The following GPC6 variants were observed in gnomAD, a reference collection of about 807,000 sequenced individuals.
GPC6 encodes glypican 6, also known as glypican-6.
In GPC6, 14 loss-of-function variants were observed where a neutral mutation model predicts 55.2. That is an observed-to-expected ratio of 0.25 (90% CI 0.17 to 0.40). The LOEUF is 0.40. GPC6 is among the 10% of genes least tolerant of loss of function. The pLI, the probability that GPC6 is intolerant of heterozygous loss-of-function variation, is 1.00. For synonymous variants in GPC6, 278 were observed against 259.6 expected, an observed-to-expected ratio of 1.07 and a Z score of -0.68; for missense variants, 641 against 708.5, an observed-to-expected ratio of 0.90 and a Z score of 1.08.
intron 3 of GPC6, among the ~76,000 whole-genome samples, chr13:93,992,518 G>T (rs1881357625): frequency 6.6e-6 from 1 of 152,070 alleles, no homozygotes; most frequent in Non-Finnish European, 1.5e-5. Context: ...GAAGTTTGTT[G>T]ATTTAATATC....
intron 1 of GPC6, among the ~76,000 whole-genome samples, chr13:93,328,020 T>C (rs1370643701): frequency 1.3e-5 from 2 of 151,930 alleles, no homozygotes; most frequent in South Asian, 2.1e-4. Context: ...GCCATTTTGG[T>C]TTTATATTTT....
chr13:94,170,929 C>G (rs748232701), intron 4 of GPC6, among the ~76,000 whole-genome samples: 1 of 152,006 alleles, frequency 6.6e-6, no homozygotes, highest in African/African-American at 2.4e-5. Flanking sequence ...GTCCAGAGTG[C>G]GAGGAAATAA....
chr13:93,485,974 A>G (rs1879696843), intron 1 of GPC6, among the ~76,000 whole-genome samples: 1 of 152,192 alleles, frequency 6.6e-6, no homozygotes, highest in Admixed American at 6.6e-5. Flanking sequence ...GAAAATGACT[A>G]ACTATGGAAA....
intron 3 of GPC6, among the ~76,000 whole-genome samples, chr13:93,907,555 T>C (rs1876736970): frequency 6.6e-6 from 1 of 152,162 alleles, no homozygotes; most frequent in African/African-American, 2.4e-5. Context: ...GGTTGGAATC[T>C]TCCTTTATCA....
chr13:93,886,586 C>G (rs1328471772), intron 3 of GPC6, among the ~76,000 whole-genome samples: 1 of 151,958 alleles, frequency 6.6e-6, no homozygotes, highest in Non-Finnish European at 1.5e-5. Flanking sequence ...TGATGGCTAG[C>G]AAAACAAGGG....
At chr13:93,267,204 A>G (rs996109862) in intron 1 of GPC6, among the ~76,000 whole-genome samples, 4 of 152,156 alleles carry the variant, frequency 2.6e-5, no homozygotes, top group Admixed American at 6.5e-5. Flanking sequence ...ATCTTGATGA[A>G]TTCAAGTTTG....
chr13:93,992,017 T>C (rs902079173), intron 3 of GPC6, among the ~76,000 whole-genome samples: 1 of 151,894 alleles, frequency 6.6e-6, no homozygotes, highest in Non-Finnish European at 1.5e-5. Flanking sequence ...ATCATATTTA[T>C]ATAGTTTATA....
At chr13:93,700,764 C>T (rs1468789924) in intron 2 of GPC6, among the ~76,000 whole-genome samples, 1 of 151,908 alleles carries the variant, frequency 6.6e-6, no homozygotes, top group Non-Finnish European at 1.5e-5. Context: ...ATGCTTAAAC[C>T]CAAGTTTTCT....
chr13:94,023,253 C>A (rs1310499422), intron 3 of GPC6, among the ~76,000 whole-genome samples: 1 of 150,668 alleles, frequency 6.6e-6, no homozygotes, highest in Admixed American at 6.6e-5. Flanking sequence ...TTTTAGAACT[C>A]TTTTCTTTAT....
intron 4 of GPC6, among the ~76,000 whole-genome samples, chr13:94,202,861 G>A (rs1889796214): frequency 6.6e-6 from 1 of 151,952 alleles, no homozygotes. Context: ...AAAGTGTGAG[G>A]CCCCTTCGAA....
intron 3 of GPC6, among the ~76,000 whole-genome samples, chr13:93,841,293 G>A (rs1250333105): frequency 6.6e-6 from 1 of 152,088 alleles, no homozygotes; most frequent in South Asian, 2.1e-4. Context: ...TAGGGAATAC[G>A]ACATCCTAAC....
At chr13:93,660,890 C>T (rs1185452535) in intron 2 of GPC6, among the ~76,000 whole-genome samples, 3 of 152,178 alleles carry the variant, frequency 2.0e-5, no homozygotes, top group African/African-American at 7.2e-5. Flanking sequence ...GGCTCTTTGA[C>T]ATAGCTCATG....
intron 6 of GPC6, among the ~76,000 whole-genome samples, chr13:94,329,526 G>A (rs1877300965): frequency 6.6e-6 from 1 of 152,192 alleles, no homozygotes; most frequent in African/African-American, 2.4e-5. Flanking sequence ...CACAGCCAAG[G>A]TCTTCATCCC....
At chr13:94,342,744 G>C (rs908782931) in intron 6 of GPC6, among the ~76,000 whole-genome samples, 6 of 152,128 alleles carry the variant, frequency 3.9e-5, no homozygotes, top group African/African-American at 1.4e-4. Context: ...GGCCCTCAGT[G>C]TTGGGAACTT....
intron 2 of GPC6, among the ~76,000 whole-genome samples, chr13:93,781,785 A>C (rs187288022): frequency 6.6e-6 from 1 of 152,140 alleles, no homozygotes; most frequent in Non-Finnish European, 1.5e-5. Flanking sequence ...TAAAATACCT[A>C]TTAGGGTCAG....
At chr13:93,248,437 G>GTT (rs74531292) in intron 1 of GPC6, among the ~76,000 whole-genome samples, 36 of 137,170 alleles carry the variant, frequency 2.6e-4, no homozygotes, top group South Asian at 9.4e-4. Context: ...CACAAAAAGT[G>GTT]TTTTTTTTTT....
rs542858935 is a variant in GPC6 at position 93,620,718 on chromosome 13, T to C, written c.319+75297T>C. Among the ~76,000 whole-genome samples the C allele has an allele frequency of 6.6e-5, 10 of 152,276 alleles. No individual in the cohort carries two copies. In the South Asian group the frequency reaches 1.4e-3, roughly 22 times the overall value. On this transcript the variant is annotated intron_variant, in intron 2 of 8. Coordinates refer to ENST00000377047, the MANE Select transcript of GPC6 (RefSeq NM_005708.5). ...TTTATTGTGGTTTTCTGAGCAACTG[T>C]TGATTGATTGCACAAAGCAGAATTC...
At chr13:94,347,248 C>A (rs1878337931) in intron 6 of GPC6, among the ~76,000 whole-genome samples, 1 of 151,738 alleles carries the variant, frequency 6.6e-6, no homozygotes, top group Non-Finnish European at 1.5e-5. Context: ...AGATCATGTT[C>A]TTCTCATACC....
chr13:93,292,541 C>G (rs1352794786), intron 1 of GPC6, among the ~76,000 whole-genome samples: 1 of 152,064 alleles, frequency 6.6e-6, no homozygotes, highest in Non-Finnish European at 1.5e-5. Context: ...GTTTCCATGA[C>G]TTGGCAGATA....
Sources: allele counts gnomAD v4.1 joint callset (sites outside exome capture counted in the v4.1 genomes callset), GRCh38; gene constraint gnomAD v4.1.1; transcripts MANE v1.5; gene names NCBI Gene and HGNC (gene_info 2026-07-23, HGNC 2026-07-21).